Variants in USP16 observed in about 807,000 individuals in gnomAD.
USP16 encodes ubiquitin specific peptidase 16.
Under a neutral mutation model 95.9 loss-of-function variants are expected in USP16, and 77 were observed. The ratio of observed to expected loss-of-function variants is 0.80; its 90% CI spans 0.67 to 0.97. The LOEUF (loss-of-function observed/expected upper bound fraction) is 0.97, where lower values mean the gene tolerates loss of function less well. USP16 is among the 50% of genes least tolerant of loss of function. The pLI is 0.00. For missense variants in USP16, 943 were observed against 959.9 expected (o/e 0.98, Z 0.23); for synonymous variants, 303 against 318.2 (o/e 0.95, Z 0.51).
chr21:29,043,986 G>A (rs1053851933), intron 13 of USP16, among the ~76,000 whole-genome samples: 33 of 151,972 alleles, frequency 2.2e-4, no homozygotes, highest in Admixed American at 1.7e-3. Flanking sequence ...AGGCCAGAGT[G>A]CAGTGGCACG....
chr21:29,042,491 C>G lies in USP16; in HGVS notation c.1142C>G (p.Ser381Cys). The G allele has an allele frequency of 6.2e-7, 1 of 1,603,734 alleles. No homozygotes were observed. The highest frequency in any genetic ancestry group is 8.5e-7 in the Non-Finnish European group (1 of 1,176,782). The change falls in exon 12 of 18, where the codon TCT (serine) becomes TGT (cysteine). Residue 381 changes from serine to cysteine, a missense_variant. Ser to Cys is a moderately radical substitution (Grantham distance 112). Coordinates refer to ENST00000399976, the MANE Select transcript of USP16 (RefSeq NM_006447.3). ...QCRTVSLVHE[S>C]FLDLSLPVLD... ...GTTAAGGTCTCCTTGGTTCATGAATCTTTCCTTGATTTGTCCCTCCCAGTT... is the reference window on the plus strand; with the variant it reads ...GTTAAGGTCTCCTTGGTTCATGAATGTTTCCTTGATTTGTCCCTCCCAGTT...
In USP16 at chr21:29,031,521, C is replaced by T. The variant is rs561000237; in HGVS notation, c.240+748C>T. On this transcript the variant is annotated intron_variant, in intron 3 of 17. Transcript: ENST00000399976. The stretch of plus-strand genomic sequence containing the variant: ...TGGCACAATCTTGGCTCATGGCAGC[C>T]TCCACCTCCCAGGTTCAAGCAGTTT... Among the ~76,000 whole-genome samples the T allele has an allele frequency of 9.8e-5, 15 of 152,290 alleles. No individual in the cohort carries two copies. The South Asian group carries it at 2.1e-3, about 21-fold the overall frequency.
intron 1 of USP16, chr21:29,025,008 G>A (rs1041706834): frequency 8.7e-6 from 3 of 343,260 alleles, no homozygotes; most frequent in Non-Finnish European, 1.6e-5. Flanking sequence ...TGGACCCAGA[G>A]GTTCCCCCGT....
chr21:29,047,212 A>G lies in USP16; in HGVS notation c.1902A>G (p.Gln634=). 1 of 1,614,154 alleles carries G rather than the reference A, an allele frequency of 6.2e-7. No homozygotes were observed. Among genetic ancestry groups the G allele is most frequent in the Non-Finnish European group, 8.5e-7 (1 of 1,180,018 alleles). The change falls in exon 14 of 18, where the codon CAA becomes CAG. Residue 634 remains glutamine, a synonymous_variant. Transcript: ENST00000399976. ...EVFNTDECSI[Q]HCLYQFTRNE... ...TCAATACTGATGAGTGTTCAATCCAACATTGTTTATATCAGTTCACCCGTA... is the reference window on the plus strand; with the variant it reads ...TCAATACTGATGAGTGTTCAATCCAGCATTGTTTATATCAGTTCACCCGTA...
At chr21:29,032,385 C>G (rs2085090400) in intron 3 of USP16, among the ~76,000 whole-genome samples, 1 of 152,110 alleles carries the variant, frequency 6.6e-6, no homozygotes, top group Non-Finnish European at 1.5e-5. Flanking sequence ...CTGCATGCCA[C>G]CACTCCTGGC....
intron 2 of USP16, among the ~76,000 whole-genome samples, chr21:29,029,766 T>C (rs2085050960): frequency 6.6e-6 from 1 of 152,226 alleles, no homozygotes; most frequent in African/African-American, 2.4e-5. Flanking sequence ...ATTTTCAGAT[T>C]GCCCTTCACT....
chr21:29,038,727 A>G (rs2085199827), intron 7 of USP16, among the ~76,000 whole-genome samples: 2 of 152,200 alleles, frequency 1.3e-5, no homozygotes, highest in African/African-American at 4.8e-5. Context: ...GTGACTTAAG[A>G]GCTGTGTAAC....
chr21:29,040,082 G>A (rs544607065), intron 9 of USP16, among the ~76,000 whole-genome samples: 14 of 151,906 alleles, frequency 9.2e-5, no homozygotes, highest in Admixed American at 1.3e-4. Context: ...TATTTATTTC[G>A]CACTTATTTT....
Position 29,037,420 on chromosome 21 carries a change from T to A in USP16, c.593T>A (p.Leu198His), listed in dbSNP as rs781492599. The A allele has an allele frequency of 1.2e-6, 2 of 1,601,954 alleles. No homozygotes were observed. The highest frequency in any genetic ancestry group is 1.7e-6 in the Non-Finnish European group (2 of 1,176,364). ...NSPCQITVKG[L>H]SNLGNTCFFN... ...CCTTGCCAAATAACCGTGAAAGGAC[T>A]CAGTAATTTGGGAAACACATGTTTC... Residue 198 changes from leucine to histidine, a missense_variant, in exon 6 of 18, where the codon CTC becomes CAC. Coordinates refer to ENST00000399976, the MANE Select transcript of USP16 (RefSeq NM_006447.3).
chr21:29,031,097 T>C (rs2085070230), intron 3 of USP16, among the ~76,000 whole-genome samples: 1 of 152,166 alleles, frequency 6.6e-6, no homozygotes, highest in African/African-American at 2.4e-5. Flanking sequence ...AGACCAGTCA[T>C]TGGATGTGGC....
In USP16 at chr21:29,047,151, A is replaced by G; in HGVS notation, c.1841A>G (p.Glu614Gly). The G allele has an allele frequency of 1.2e-6, 2 of 1,614,154 alleles. No homozygotes were observed. The highest frequency in any genetic ancestry group is 1.7e-6 in the Non-Finnish European group (2 of 1,180,020). ...KVYEVVNEDP[E>G]TAFCTLANRE... ...TATGAGGTTGTAAATGAAGATCCAGAAACTGCTTTCTGTACTCTTGCAAAC... is the reference window on the plus strand; with the variant it reads ...TATGAGGTTGTAAATGAAGATCCAGGAACTGCTTTCTGTACTCTTGCAAAC... Residue 614 changes from glutamate to glycine, a missense_variant, in exon 14 of 18, where the codon GAA (glutamate) becomes GGA (glycine). Physicochemically the swap from Glu to Gly is moderately conservative, Grantham distance 98 (BLOSUM62 -2). Transcript: ENST00000399976.
chr21:29,037,708 C>A (rs2085182123), intron 6 of USP16, among the ~76,000 whole-genome samples: 1 of 151,358 alleles, frequency 6.6e-6, no homozygotes, highest in South Asian at 2.1e-4. Flanking sequence ...ACCTTAGCCT[C>A]CAGAGTAGCT....
At chr21:29,030,879 A>G in intron 3 of USP16, 106 bp downstream of exon 3, 4 of 1,292,364 alleles carry the variant, frequency 3.1e-6, no homozygotes, top group South Asian at 3.1e-5. Flanking sequence ...TACTAGTAAC[A>G]TAGATCATGT....
At chr21:29,024,989 T>C in intron 1 of USP16, 1 of 414,864 alleles carries the variant, frequency 2.4e-6, no homozygotes, top group Non-Finnish European at 3.9e-6. Context: ...GGCGGCCTTC[T>C]CGACCCCGTG....
At chr21:29,037,036 T>C (rs779950927) in intron 5 of USP16, among the ~76,000 whole-genome samples, 6 of 152,242 alleles carry the variant, frequency 3.9e-5, no homozygotes, top group Non-Finnish European at 7.3e-5. Context: ...AAGCACATAC[T>C]GTTTGGTTTC....
chr21:29,030,513 G>A lies in USP16; in HGVS notation c.62-82G>A. ...AGAGTAAATTTCATTTTTGAAATGT[G>A]AATCGAGGGTAAGTTTTGAGATTAA... is the stretch of plus-strand genomic sequence containing the variant. On this transcript the variant is annotated intron_variant, in intron 2 of 17. Coordinates refer to ENST00000399976, the MANE Select transcript of USP16 (RefSeq NM_006447.3). The A allele has an allele frequency of 3.2e-6, 4 of 1,243,388 alleles. 1 individual carries two copies. Among genetic ancestry groups the A allele is most frequent in the East Asian group, 5.4e-5 (2 of 37,184 alleles). The allele number at this position is 1,243,388 out of a possible 1,614,324, so 77.0% of individuals were successfully genotyped here.
intron 16 of USP16, among the ~76,000 whole-genome samples, chr21:29,050,831 C>A (rs3887084): frequency 6.6e-6 from 1 of 152,078 alleles, no homozygotes; most frequent in African/African-American, 2.4e-5. Flanking sequence ...GTGGGGAGCC[C>A]TGAGGAGTTT....
chr21:29,038,478 G>T, intron 7 of USP16, 48 bp downstream of exon 7: 2 of 1,303,224 alleles, frequency 1.5e-6, no homozygotes, highest in Non-Finnish European at 1.1e-6. Context: ...CTCTGAATGT[G>T]TGTTTTCTAA....
At chr21:29,030,798 A>G (rs1370364620) in intron 3 of USP16, 25 bp downstream of exon 3, 2 of 1,576,734 alleles carry the variant, frequency 1.3e-6, no homozygotes, top group African/African-American at 2.7e-5. Context: ...TAAGATCAAT[A>G]TGGGATTTTA....
Sources: allele counts gnomAD v4.1 joint callset (sites outside exome capture counted in the v4.1 genomes callset), GRCh38; gene constraint gnomAD v4.1.1; transcripts MANE v1.5; gene names NCBI Gene and HGNC (gene_info 2026-07-23, HGNC 2026-07-21).